MBNL2: variants seen among roughly 807,000 people sequenced by gnomAD.
The protein encoded by MBNL2 is muscleblind-like protein 2.
MBNL2 carries 17 observed loss-of-function variants against 41.9 expected under a neutral mutation model. The observed-to-expected ratio is 0.41, with a 90% CI of 0.28 to 0.61. The LOEUF is 0.61. MBNL2 is among the 20% of genes least tolerant of loss of function. MBNL2 has a pLI of 0.35. For synonymous variants in MBNL2, 195 were observed against 182.9 expected (o/e 1.07, Z -0.53); for missense variants, 336 against 505.6 (o/e 0.66, Z 3.22).
chr13:97,314,716 A>C (rs9584545), intron 2 of MBNL2, among the ~76,000 whole-genome samples: 6,097 of 152,252 alleles, frequency 0.04, 378 homozygotes, highest in African/African-American at 0.14. Flanking sequence ...TCAGGCACTG[A>C]GGTCAACAAC....
chr13:97,243,248 G>C (rs956710740), intron 1 of MBNL2, among the ~76,000 whole-genome samples: 1 of 152,210 alleles, frequency 6.6e-6, no homozygotes, highest in Non-Finnish European at 1.5e-5. Flanking sequence ...GAAAAATCAA[G>C]GTTCTTAGAT....
upstream of MBNL2, among the ~76,000 whole-genome samples, chr13:97,217,429 C>T (rs8000282): frequency 0.16 from 25,052 of 151,966 alleles, 2,685 homozygotes; most frequent in African/African-American, 0.31. Context: ...GTGACAATTG[C>T]TACGATGAAT....
the MBNL2 span, among the ~76,000 whole-genome samples, chr13:97,187,801 G>C: frequency 7.3e-5 from 11 of 151,688 alleles, no homozygotes; most frequent in African/African-American, 2.7e-4. Context: ...CAGCTACTCC[G>C]GAGGCTGAGG....
At chr13:97,270,162 T>C (rs1214288522) in intron 1 of MBNL2, among the ~76,000 whole-genome samples, 1 of 152,142 alleles carries the variant, frequency 6.6e-6, no homozygotes, top group Non-Finnish European at 1.5e-5. Context: ...TGTTGACTAA[T>C]AGAAGAAATG....
At chr13:97,378,203 A>ATTACTTAATTGAAACATT (rs1566451420) in intron 8 of MBNL2, among the ~76,000 whole-genome samples, 1 of 152,246 alleles carries the variant, frequency 6.6e-6, no homozygotes, top group African/African-American at 2.4e-5. Flanking sequence ...ATTATGTAAT[A>ATTACTTAATTGAAACATT]ACACTGGCAT....
chr13:97,372,617 T>C (rs2064495187), intron 8 of MBNL2, among the ~76,000 whole-genome samples: 1 of 152,224 alleles, frequency 6.6e-6, no homozygotes, highest in South Asian at 2.1e-4. Flanking sequence ...CATAGTTTTA[T>C]TATATATGAT....
At chr13:97,301,746 G>A (rs1358029638) in intron 2 of MBNL2, among the ~76,000 whole-genome samples, 1 of 152,182 alleles carries the variant, frequency 6.6e-6, no homozygotes, top group Non-Finnish European at 1.5e-5. Context: ...AACCAGTTTA[G>A]ATGCGGGGTT....
chr13:97,184,907 A>T, the MBNL2 span, among the ~76,000 whole-genome samples: 14 of 150,794 alleles, frequency 9.3e-5, no homozygotes, highest in South Asian at 8.4e-4. Context: ...ATAGCCAAAA[A>T]TTTTTTTTTT....
the MBNL2 span, among the ~76,000 whole-genome samples, chr13:97,170,722 G>A: frequency 6.6e-6 from 1 of 152,116 alleles, no homozygotes; most frequent in Non-Finnish European, 1.5e-5. Context: ...ATTCTCAAAA[G>A]GCCAATCTCA....
the MBNL2 span, among the ~76,000 whole-genome samples, chr13:97,182,722 A>G: frequency 2.6e-5 from 4 of 152,234 alleles, no homozygotes; most frequent in Non-Finnish European, 5.9e-5. Context: ...GGTGAATTTT[A>G]GGCAACAATC....
chr13:97,299,648 ATATCTATC>A (rs59785563), intron 2 of MBNL2, among the ~76,000 whole-genome samples: 1,729 of 149,358 alleles, frequency 0.012, 31 homozygotes, highest in African/African-American at 0.038. Context: ...TAGAATTACT[ATATCTATC>A]TATCTATCTA....
At chr13:97,198,217 G>C in the MBNL2 span, among the ~76,000 whole-genome samples, 1 of 152,124 alleles carries the variant, frequency 6.6e-6, no homozygotes, top group African/African-American at 2.4e-5. Context: ...CCTGAGTAGA[G>C]CAAAAGTCTC....
At chr13:97,251,485 T>G (rs6491343) in intron 1 of MBNL2, among the ~76,000 whole-genome samples, 112,473 of 152,096 alleles carry the variant, frequency 0.74, 41,901 homozygotes, top group African/African-American at 0.82. Context: ...GATTAATAGG[T>G]AAAGTCAGAT....
rs55745808 is a variant in MBNL2, at chr13:97,363,418, CTGTGTG to C, written c.1013-1677_1013-1672del. On this transcript the variant is annotated intron_variant, in intron 7 of 8. Transcript: ENST00000679496. ...CAAAGGGAGTTGCCAGAAAGAAAAA[CTGTGTG>C]TGTGTGTGTGTGTGTGTGTGTGTGT... 8.0e-3 allele frequency among the ~76,000 whole-genome samples: 1,099 copies of C among 136,708 alleles called. 9 individuals carry two copies. The highest frequency in any genetic ancestry group is 0.024 in the African/African-American group (854 of 35,368). The allele number at this position is 136,708 out of a possible 152,430, so 89.7% of individuals were successfully genotyped here. A position where few individuals can be genotyped will look rare whatever the true frequency, so the allele number is the denominator to read the frequency against.
chr13:97,378,324 C>T (rs984892414), intron 8 of MBNL2, among the ~76,000 whole-genome samples: 17 of 152,070 alleles, frequency 1.1e-4, no homozygotes, highest in African/African-American at 3.1e-4. Context: ...ATGAGTAATA[C>T]TAAGAATAAA....
At chr13:97,217,788 G>T (rs550411345), upstream of MBNL2, among the ~76,000 whole-genome samples, 1 of 152,132 alleles carries the variant, frequency 6.6e-6, no homozygotes, top group Non-Finnish European at 1.5e-5. Flanking sequence ...TTTGGCTGAG[G>T]TGTGGTAAAT....
intron 2 of MBNL2, among the ~76,000 whole-genome samples, chr13:97,306,500 C>T (rs2058141446): frequency 6.6e-6 from 1 of 152,210 alleles, no homozygotes; most frequent in Admixed American, 6.5e-5. Context: ...TCATGGTGGT[C>T]ACTCCTTGCC....
chr13:97,333,441 A>G (rs2060589665), intron 2 of MBNL2, among the ~76,000 whole-genome samples: 1 of 152,122 alleles, frequency 6.6e-6, no homozygotes, highest in Non-Finnish European at 1.5e-5. Flanking sequence ...AACACTCTTC[A>G]CTATGTCACA....
intron 1 of MBNL2, among the ~76,000 whole-genome samples, chr13:97,256,106 G>T (rs1056565749): frequency 1.3e-5 from 2 of 152,050 alleles, no homozygotes; most frequent in Non-Finnish European, 2.9e-5. Context: ...GGAGATAAAA[G>T]AAGACAAAAT....
Sources: gnomAD v4.1 joint callset for allele counts (sites outside exome capture counted in the v4.1 genomes callset) on GRCh38, gnomAD v4.1.1 for gene constraint, MANE v1.5 for transcripts, NCBI Gene and HGNC (gene_info 2026-07-23, HGNC 2026-07-21) for gene names.